The following CHRNB3 variants were observed in gnomAD, a reference collection of about 807,000 sequenced individuals.
CHRNB3 encodes cholinergic receptor nicotinic beta 3 subunit.
Under a neutral mutation model 40.6 loss-of-function variants are expected in CHRNB3, and 37 were observed. The observed-to-expected ratio is 0.91, with a 90% CI of 0.70 to 1.20. The LOEUF is 1.20. Ranked by LOEUF, CHRNB3 falls within the 50% of genes most tolerant of loss-of-function variation. The probability of loss-of-function intolerance (pLI) is 0.00; values close to 1 mark genes in which losing one functional copy is unlikely to be tolerated. For synonymous variants in CHRNB3, 207 were observed against 207.1 expected, an observed-to-expected ratio of 1.00 and a Z score of 0.00; for missense variants, 505 against 551.2, an observed-to-expected ratio of 0.92 and a Z score of 0.84.
intron 3 of CHRNB3, among the ~76,000 whole-genome samples, chr8:42,714,386 C>G (rs1231252978): frequency 1.3e-5 from 2 of 151,920 alleles, no homozygotes; most frequent in African/African-American, 4.8e-5. Context: ...CCTGCAGTCC[C>G]AGCTACTCGG....
chr8:42,731,128 A>C (rs1586410469), intron 4 of CHRNB3, among the ~76,000 whole-genome samples: 1 of 152,102 alleles, frequency 6.6e-6, no homozygotes, highest in South Asian at 2.1e-4. Flanking sequence ...TAAGTATCAC[A>C]GAAGAAAACT....
Position 42,703,435 on chromosome 8 carries a change from A to AAAAATATATATATATATATATAT in CHRNB3, c.53-5281_53-5280insAAATATATATATATATATATATA. ...CAAGACTTCGTCTAAAAAAAAAAAAAATATTTATATATATATATATATATA... is the reference window on the plus strand; with the variant it reads ...CAAGACTTCGTCTAAAAAAAAAAAAAAAAATATATATATATATATATATATATTTATATATATATATATATATA... On this transcript the variant is annotated intron_variant, in intron 1 of 5. Coordinates refer to ENST00000289957, the MANE Select transcript of CHRNB3 (RefSeq NM_000749.5). Among the ~76,000 whole-genome samples, 47 of 47,378 alleles carry AAAAATATATATATATATATATAT rather than the reference A, an allele frequency of 9.9e-4. 2 individuals carry two copies. The highest frequency in any genetic ancestry group is 1.1e-3 in the East Asian group (1 of 878). 31.1% of individuals were successfully genotyped at this position (47,378 alleles called of 152,430 possible). A position where few individuals can be genotyped will look rare whatever the true frequency, so the allele number is the denominator to read the frequency against.
chr8:42,708,935 A>G, intron 2 of CHRNB3, 67 bp downstream of exon 2: 1 of 1,413,002 alleles, frequency 7.1e-7, no homozygotes, highest in Non-Finnish European at 9.4e-7. Flanking sequence ...AGTCTAAAAT[A>G]TATATTTTTC....
chr8:42,717,988 A>G (rs1030243573), intron 3 of CHRNB3, among the ~76,000 whole-genome samples: 2 of 151,622 alleles, frequency 1.3e-5, no homozygotes, highest in Non-Finnish European at 2.9e-5. Context: ...ATGTGCCACC[A>G]TGCCTGGCTA....
intron 5 of CHRNB3, among the ~76,000 whole-genome samples, 165 bp downstream of exon 5, chr8:42,732,714 G>A (rs1428405590): frequency 3.3e-5 from 5 of 152,096 alleles, no homozygotes; most frequent in African/African-American, 9.7e-5. Context: ...ATAACATAGC[G>A]ACATTAGTAT....
chr8:42,728,580 A>T, intron 3 of CHRNB3, among the ~76,000 whole-genome samples: 1 of 152,148 alleles, frequency 6.6e-6, no homozygotes, highest in East Asian at 1.9e-4. Context: ...ATCTAAATGC[A>T]TTGCTAAGTA....
intron 3 of CHRNB3, among the ~76,000 whole-genome samples, chr8:42,715,510 G>A (rs1333066529): frequency 1.3e-5 from 2 of 152,132 alleles, no homozygotes; most frequent in African/African-American, 4.8e-5. Flanking sequence ...ACTGAAAAAT[G>A]TTCTCTAATT....
chr8:42,736,721 G>C lies in CHRNB3; in HGVS notation c.*103G>C. 7.4e-7 allele frequency: 1 copy of C among 1,350,366 alleles called. No homozygotes were observed. Among genetic ancestry groups the C allele is most frequent in the Admixed American group, 1.9e-5 (1 of 52,498 alleles). The allele number at this position is 1,350,366 out of a possible 1,614,324, so 83.6% of individuals were successfully genotyped here. A position where few individuals can be genotyped will look rare whatever the true frequency, so the allele number is the denominator to read the frequency against. On this transcript the variant is annotated 3_prime_UTR_variant, in exon 6 of 6. Transcript: ENST00000289957. The stretch of plus-strand genomic sequence containing the variant: ...TGCTTGTTCTACGAACCCCGAATGC[G>C]TTGTCTTTGTGGAAATGGAACATCT...
chr8:42,703,435 A>AAAAAAAAAAAATATAT, intron 1 of CHRNB3, among the ~76,000 whole-genome samples: 7 of 47,412 alleles, frequency 1.5e-4, no homozygotes, highest in Non-Finnish European at 2.3e-4. Flanking sequence ...AAAAAAAAAA[A>AAAAAAAAAAAATATAT]ATATTTATAT....
intron 3 of CHRNB3, 45 bp downstream of exon 3, chr8:42,710,479 T>G: frequency 1.4e-6 from 2 of 1,474,688 alleles, no homozygotes; most frequent in Non-Finnish European, 1.9e-6. Context: ...CAGTCACTTA[T>G]TTTCTATTTA....
chr8:42,708,383 A>G (rs1365398869), intron 1 of CHRNB3, among the ~76,000 whole-genome samples: 3 of 151,936 alleles, frequency 2.0e-5, no homozygotes, highest in African/African-American at 7.3e-5. Context: ...GGAGAATGGC[A>G]TGAACCCTGG....
At chr8:42,723,375 A>G (rs1467884802) in intron 3 of CHRNB3, among the ~76,000 whole-genome samples, 1 of 152,100 alleles carries the variant, frequency 6.6e-6, no homozygotes, top group African/African-American at 2.4e-5. Flanking sequence ...AGATGAAATG[A>G]GCTGCTGTTT....
chr8:42,703,485 T>C (rs1344462392), intron 1 of CHRNB3, among the ~76,000 whole-genome samples: 1 of 139,542 alleles, frequency 7.2e-6, no homozygotes, highest in Non-Finnish European at 1.6e-5. Flanking sequence ...GGGACACTCA[T>C]CTTCTGAGAA....
chr8:42,712,205 T>C (rs576033404), intron 3 of CHRNB3, among the ~76,000 whole-genome samples: 3 of 151,918 alleles, frequency 2.0e-5, no homozygotes, highest in Admixed American at 1.3e-4. Context: ...GTTGGCCAAA[T>C]TGGTCTTGAA....
At chr8:42,698,500 T>C (rs1340925835) in intron 1 of CHRNB3, among the ~76,000 whole-genome samples, 3 of 152,170 alleles carry the variant, frequency 2.0e-5, no homozygotes, top group African/African-American at 7.2e-5. Flanking sequence ...TAAGGGAGAT[T>C]TGCCCAAATC....
intron 3 of CHRNB3, among the ~76,000 whole-genome samples, chr8:42,723,144 CG>C (rs892133195): frequency 3.3e-5 from 5 of 149,956 alleles, no homozygotes; most frequent in African/African-American, 4.9e-5. Flanking sequence ...ACTAAAATAT[CG>C]TAAGTAATAG....
At chr8:42,707,889 T>A (rs1268188049) in intron 1 of CHRNB3, among the ~76,000 whole-genome samples, 1 of 152,188 alleles carries the variant, frequency 6.6e-6, no homozygotes, top group East Asian at 1.9e-4. Context: ...CCAGGCACTG[T>A]TCTAGGTGCT....
In CHRNB3 at chr8:42,737,213, C is replaced by G. The variant is rs572302687; in HGVS notation, c.*595C>G. On this transcript the variant is annotated 3_prime_UTR_variant, in exon 6 of 6. Transcript: ENST00000289957. ...ACAGATTCCAAGTTGCCTGGCCTAC[C>G]GAAGCAGGTGTTATTCATGGTTTAT... The G allele has an allele frequency of 6.6e-6, 1 of 152,352 alleles. No homozygotes were observed. The highest frequency in any genetic ancestry group is 2.4e-5 in the African/African-American group (1 of 41,504). The allele number at this position is 152,352 out of a possible 1,614,324, so 9.4% of individuals were successfully genotyped here.
chr8:42,706,373 G>A (rs753701642), intron 1 of CHRNB3, among the ~76,000 whole-genome samples: 5 of 152,082 alleles, frequency 3.3e-5, no homozygotes, highest in Non-Finnish European at 5.9e-5. Flanking sequence ...CATCTGGAGC[G>A]CTTAGCAGGG....
Sources: allele counts gnomAD v4.1 joint callset (sites outside exome capture counted in the v4.1 genomes callset), GRCh38; gene constraint gnomAD v4.1.1; transcripts MANE v1.5; gene names NCBI Gene and HGNC (gene_info 2026-07-23, HGNC 2026-07-21).